The following SLC71A2 variants were observed in gnomAD, a reference collection of about 807,000 sequenced individuals.
SLC71A2 encodes solute carrier family 71 member 2.
the SLC71A2 span, among the ~76,000 whole-genome samples, chr9:94,412,019 C>G: frequency 1.3e-5 from 2 of 152,146 alleles, no homozygotes; most frequent in Non-Finnish European, 2.9e-5. Context: ...GAATTTTCTT[C>G]CATAGTGGTG....
At chr9:94,449,932 C>T in the SLC71A2 span, among the ~76,000 whole-genome samples, 5 of 152,142 alleles carry the variant, frequency 3.3e-5, no homozygotes, top group Non-Finnish European at 7.3e-5. Flanking sequence ...TGAACCTTGA[C>T]GACATGCTCA....
chr9:94,437,102 G>T, the SLC71A2 span, among the ~76,000 whole-genome samples: 1 of 144,174 alleles, frequency 6.9e-6, no homozygotes, highest in Non-Finnish European at 1.5e-5. Flanking sequence ...ATGGATGTGC[G>T]TGCAAAGGCC....
the SLC71A2 span, among the ~76,000 whole-genome samples, chr9:94,454,225 G>C: frequency 3.3e-5 from 5 of 152,208 alleles, no homozygotes; most frequent in African/African-American, 1.2e-4. Context: ...TTGGGGAAAT[G>C]TGGAGCTAGA....
the SLC71A2 span, among the ~76,000 whole-genome samples, chr9:94,421,281 A>G: frequency 6.6e-6 from 1 of 152,344 alleles, no homozygotes; most frequent in South Asian, 2.1e-4. Flanking sequence ...TACAAATTAT[A>G]AATACACAGC....
At chr9:94,393,915 CCAT>C in the SLC71A2 span, among the ~76,000 whole-genome samples, 2 of 71,946 alleles carry the variant, frequency 2.8e-5, no homozygotes, top group African/African-American at 1.3e-4. Context: ...GACTGTATCA[CCAT>C]TGTCCCCAAC....
the SLC71A2 span, among the ~76,000 whole-genome samples, chr9:94,382,198 T>G: frequency 6.6e-6 from 1 of 151,926 alleles, no homozygotes; most frequent in South Asian, 2.1e-4. Flanking sequence ...AGCTAATTTT[T>G]TAATTTTTTA....
the SLC71A2 span, among the ~76,000 whole-genome samples, chr9:94,391,607 G>T: frequency 1.4e-4 from 21 of 151,360 alleles, no homozygotes; most frequent in Non-Finnish European, 2.7e-4. Context: ...AAATATTTTG[G>T]CCAGGTGTGG....
the SLC71A2 span, among the ~76,000 whole-genome samples, chr9:94,449,005 T>G: frequency 1.3e-5 from 2 of 152,208 alleles, no homozygotes; most frequent in Non-Finnish European, 2.9e-5. Context: ...AATGGTGAGA[T>G]AGTGTAGAAA....
chr9:94,397,813 A>G, the SLC71A2 span, among the ~76,000 whole-genome samples: 3 of 152,212 alleles, frequency 2.0e-5, no homozygotes, highest in Non-Finnish European at 4.4e-5. Flanking sequence ...GCCCATAGAG[A>G]TGAAGTACCA....
the SLC71A2 span, chr9:94,433,241 C>T: frequency 2.3e-5 from 5 of 215,284 alleles, no homozygotes; most frequent in South Asian, 1.5e-4. Flanking sequence ...CTTGCCCCCT[C>T]GCTCTGTCCC....
chr9:94,382,375 T>A, the SLC71A2 span, among the ~76,000 whole-genome samples: 1 of 151,520 alleles, frequency 6.6e-6, no homozygotes, highest in Admixed American at 6.6e-5. Context: ...AAGTGTCTGT[T>A]CTTGTCTTTT....
chr9:94,395,945 G>A, the SLC71A2 span, among the ~76,000 whole-genome samples: 4 of 151,748 alleles, frequency 2.6e-5, no homozygotes, highest in East Asian at 3.9e-4. Flanking sequence ...TAGGAAGCCA[G>A]CCTTTTCTGC....
the SLC71A2 span, among the ~76,000 whole-genome samples, chr9:94,403,597 C>T: frequency 3.3e-5 from 5 of 151,674 alleles, no homozygotes; most frequent in South Asian, 2.1e-4. Context: ...GTTGCTTCTA[C>T]GGTTTGGCTG....
chr9:94,431,883 G>T, the SLC71A2 span, among the ~76,000 whole-genome samples: 1 of 152,142 alleles, frequency 6.6e-6, no homozygotes, highest in Admixed American at 6.5e-5. Context: ...GCTCTACCTG[G>T]TTCCAGCTTC....
the SLC71A2 span, among the ~76,000 whole-genome samples, chr9:94,449,381 T>G: frequency 6.6e-6 from 1 of 152,196 alleles, no homozygotes; most frequent in Non-Finnish European, 1.5e-5. Flanking sequence ...AATAAAAGAC[T>G]TAATAGCATC....
the SLC71A2 span, among the ~76,000 whole-genome samples, chr9:94,395,804 C>G: frequency 6.6e-6 from 1 of 152,274 alleles, no homozygotes; most frequent in South Asian, 2.1e-4. Context: ...CTAGTGAGCT[C>G]TCTGGCCTGC....
the SLC71A2 span, among the ~76,000 whole-genome samples, chr9:94,430,198 T>A: frequency 2.0e-5 from 3 of 149,042 alleles, no homozygotes; most frequent in Non-Finnish European, 4.4e-5. Context: ...CCACCGCGCC[T>A]GACTGTTCCT....
the SLC71A2 span, chr9:94,415,238 A>C: frequency 6.2e-7 from 1 of 1,612,820 alleles, no homozygotes; most frequent in Non-Finnish European, 8.5e-7. Context: ...GCCTGTTGAC[A>C]ACTCCAATGT....
At chr9:94,405,435 C>T in the SLC71A2 span, among the ~76,000 whole-genome samples, 3 of 148,964 alleles carry the variant, frequency 2.0e-5, no homozygotes, top group African/African-American at 7.5e-5. Context: ...GTGGACCACG[C>T]TTGCAGTGAG....
Sources: gnomAD v4.1 joint callset for allele counts (sites outside exome capture counted in the v4.1 genomes callset) on GRCh38, gnomAD v4.1.1 for gene constraint, MANE v1.5 for transcripts, NCBI Gene and HGNC (gene_info 2026-07-23, HGNC 2026-07-21) for gene names.